The following SH3RF3 variants were observed in gnomAD, a reference collection of about 807,000 sequenced individuals.
The protein encoded by SH3RF3 is SH3 domain containing ring finger 3.
A neutral mutation model predicts 66.3 loss-of-function variants in SH3RF3; 29 were observed. The observed-to-expected ratio is 0.44, with a 90% confidence interval of 0.33 to 0.60. SH3RF3 has a LOEUF of 0.60. SH3RF3 is among the 20% of genes least tolerant of loss of function. SH3RF3 has a pLI of 0.04. For synonymous variants in SH3RF3, 583 were observed against 532.0 expected (o/e 1.10, Z -1.32); for missense variants, 1,194 against 1,190.9 (o/e 1.00, Z -0.04).
At position 109,419,588 on chromosome 2, in the gene SH3RF3, C is replaced by A; in HGVS notation, c.1349C>A (p.Ala450Asp). 1.3e-6 allele frequency: 2 copies of A among 1,597,834 alleles called. No homozygotes were observed. The highest frequency in any genetic ancestry group is 1.7e-6 in the Non-Finnish European group (2 of 1,173,326). ...ACCCCCACGGCTGTCCCACGGGCTG[C>A]CTCGGTGTCTGGAGAGCAGGGCACG... ...GSTPTAVPRA[A>D]SVSGEQGTPP... is the part of the protein sequence containing the mutation. Residue 450 changes from alanine (A) to aspartate (D), a missense_variant, in exon 5 of 10, where the codon GCC becomes GAC. Ala to Asp is a moderately radical substitution (Grantham distance 126, BLOSUM62 -2). Coordinates refer to ENST00000309415, the MANE Select transcript of SH3RF3 (RefSeq NM_001099289.3).
chr2:109,326,925 C>T (rs770757166), intron 1 of SH3RF3, among the ~76,000 whole-genome samples: 6 of 152,204 alleles, frequency 3.9e-5, no homozygotes, highest in African/African-American at 9.6e-5. Flanking sequence ...CTCTACCATT[C>T]GGTTCCAGTT....
chr2:109,306,893 T>C (rs7581460), intron 1 of SH3RF3, among the ~76,000 whole-genome samples: 46,939 of 151,812 alleles, frequency 0.31, 8,893 homozygotes, highest in African/African-American at 0.54. Flanking sequence ...GTGTGCGGTG[T>C]ACGGTAGGGC....
chr2:109,489,405 C>T (rs1290809446), intron 8 of SH3RF3, among the ~76,000 whole-genome samples: 1 of 152,236 alleles, frequency 6.6e-6, no homozygotes, highest in Non-Finnish European at 1.5e-5. Flanking sequence ...AGCAGTTGTG[C>T]TCTTAGACAA....
intron 1 of SH3RF3, among the ~76,000 whole-genome samples, chr2:109,163,467 C>T (rs947125431): frequency 9.8e-5 from 12 of 122,070 alleles, no homozygotes; most frequent in Admixed American, 2.2e-4. Flanking sequence ...GGCGGGATCT[C>T]GGCTCACTGC....
intron 1 of SH3RF3, among the ~76,000 whole-genome samples, chr2:109,325,386 G>A (rs1342401326): frequency 7.8e-6 from 1 of 127,972 alleles, no homozygotes; most frequent in Non-Finnish European, 1.6e-5. Context: ...CTGTCACTCA[G>A]GCTGGAGTAC....
intron 8 of SH3RF3, among the ~76,000 whole-genome samples, chr2:109,485,904 G>C (rs189623682): frequency 1.3e-5 from 2 of 152,356 alleles, no homozygotes; most frequent in East Asian, 3.9e-4. Context: ...CCTGGCCCTT[G>C]ATCTCCTACA....
At chr2:109,145,347 C>T (rs1677069619) in intron 1 of SH3RF3, among the ~76,000 whole-genome samples, 1 of 152,192 alleles carries the variant, frequency 6.6e-6, no homozygotes, top group Non-Finnish European at 1.5e-5. Flanking sequence ...GTTTGCAGTC[C>T]CATGGCCCTG....
chr2:109,418,450 G>A (rs1339104689), intron 4 of SH3RF3, among the ~76,000 whole-genome samples: 2 of 152,068 alleles, frequency 1.3e-5, no homozygotes, highest in African/African-American at 2.4e-5. Context: ...AGTCTGTTCC[G>A]GGGCTCCCTC....
At chr2:109,393,261 A>T (rs1042267400) in intron 3 of SH3RF3, among the ~76,000 whole-genome samples, 11 of 152,200 alleles carry the variant, frequency 7.2e-5, no homozygotes, top group African/African-American at 2.4e-4. Flanking sequence ...GGAACATGTG[A>T]GTCTGGTCCA....
intron 1 of SH3RF3, among the ~76,000 whole-genome samples, chr2:109,244,300 A>G (rs767512057): frequency 6.6e-6 from 1 of 152,204 alleles, no homozygotes; most frequent in Non-Finnish European, 1.5e-5. Context: ...TCTTCAGGCA[A>G]ATGTGCACAT....
At chr2:109,410,721 T>A (rs1292985310) in intron 4 of SH3RF3, among the ~76,000 whole-genome samples, 1 of 152,342 alleles carries the variant, frequency 6.6e-6, no homozygotes, top group East Asian at 1.9e-4. Flanking sequence ...AGGTATCCAT[T>A]ATGGAGCCTT....
intron 1 of SH3RF3, chr2:109,251,508 A>C: frequency 1.3e-6 from 1 of 743,620 alleles, no homozygotes; most frequent in Non-Finnish European, 2.5e-6. Flanking sequence ...ATGTCCAAGG[A>C]ATATTGTGGT....
At chr2:109,404,213 C>A in intron 4 of SH3RF3, among the ~76,000 whole-genome samples, 1 of 152,230 alleles carries the variant, frequency 6.6e-6, no homozygotes, top group Non-Finnish European at 1.5e-5. Flanking sequence ...AGACTGACAC[C>A]CACACAGCCT....
chr2:109,282,610 C>T (rs1253879480), intron 1 of SH3RF3, among the ~76,000 whole-genome samples: 1 of 152,226 alleles, frequency 6.6e-6, no homozygotes, highest in Non-Finnish European at 1.5e-5. Context: ...CCAATGCACG[C>T]ACTCCACCTC....
At chr2:109,180,903 C>A (rs912498747) in intron 1 of SH3RF3, among the ~76,000 whole-genome samples, 21 of 152,198 alleles carry the variant, frequency 1.4e-4, no homozygotes, top group African/African-American at 5.1e-4. Flanking sequence ...AGGGACCACC[C>A]CATGCAGAGA....
intron 1 of SH3RF3, among the ~76,000 whole-genome samples, chr2:109,146,565 A>C (rs1037594957): frequency 6.6e-6 from 1 of 151,972 alleles, no homozygotes; most frequent in Admixed American, 6.6e-5. Flanking sequence ...CCTACCTCTG[A>C]ATGCACGCTC....
chr2:109,380,809 C>T (rs1455729805), intron 3 of SH3RF3, among the ~76,000 whole-genome samples: 6 of 152,210 alleles, frequency 3.9e-5, no homozygotes, highest in African/African-American at 1.4e-4. Context: ...CATAGGCAGA[C>T]ATCAAACTTT....
At chr2:109,262,898 T>C (rs1197337778) in intron 1 of SH3RF3, among the ~76,000 whole-genome samples, 1 of 152,158 alleles carries the variant, frequency 6.6e-6, no homozygotes, top group Non-Finnish European at 1.5e-5. Flanking sequence ...AGTGGCATGA[T>C]CTTGGCTCAC....
intron 1 of SH3RF3, among the ~76,000 whole-genome samples, chr2:109,187,695 G>A (rs73952870): frequency 0.015 from 2,309 of 152,246 alleles, 68 homozygotes; most frequent in African/African-American, 0.053. Context: ...GTCACCCAAG[G>A]ACTCATTTTT....
Sources: gnomAD v4.1 joint callset for allele counts (sites outside exome capture counted in the v4.1 genomes callset) on GRCh38, gnomAD v4.1.1 for gene constraint, MANE v1.5 for transcripts, NCBI Gene and HGNC (gene_info 2026-07-23, HGNC 2026-07-21) for gene names.